Variants in PAPLN observed in about 807,000 individuals in gnomAD.
PAPLN encodes the protein papilin.
A neutral mutation model predicts 159.0 loss-of-function variants in PAPLN; 146 were observed. The observed-to-expected ratio is 0.92, with a 90% confidence interval of 0.80 to 1.05. The LOEUF (loss-of-function observed/expected upper bound fraction) is 1.05. Among genes scored for constraint, PAPLN ranks in the 50% least tolerant of loss-of-function variants. PAPLN has a pLI of 0.00. For synonymous variants in PAPLN, 734 were observed against 702.9 expected (o/e 1.04, Z -0.70); for missense variants, 1,720 against 1,743.9 (o/e 0.99, Z 0.24).
In PAPLN at chr14:73,272,584, T is replaced by C; in HGVS notation, c.3757T>C (p.Cys1253Arg). 1 of 1,605,128 alleles carries C rather than the reference T, an allele frequency of 6.2e-7. No homozygotes were observed. The highest frequency in any genetic ancestry group is 8.5e-7 in the Non-Finnish European group (1 of 1,172,490). The change falls in exon 27 of 27, where the codon TGT becomes CGT. Residue 1253 changes from cysteine (C) to arginine (R), a missense_variant. By Grantham distance (180) the Cys-to-Arg change is radical. Coordinates refer to ENST00000644200, the MANE Select transcript of PAPLN (RefSeq NM_001365906.3). ...TGATTTGATCCTGCAGGCCCAGCTT[T>C]GTGGCAATGAGTATTACTCCAGCTT... is the stretch of plus-strand genomic sequence containing the variant. ...NCDLILQAQL[C>R]GNEYYSSFCC...
rs910576785 is a variant in PAPLN at position 73,264,288 on chromosome 14, G to A, written c.2939G>A (p.Ser980Asn). 4 of 1,613,814 alleles carry A rather than the reference G, an allele frequency of 2.5e-6. No homozygotes were observed. The highest frequency in any genetic ancestry group is 3.3e-5 in the Admixed American group (2 of 60,000). Reference protein sequence around the residue: ...AEDAGTYSCGSTRPGRDSQKI... With the variant: ...AEDAGTYSCGNTRPGRDSQKI... ...GACGCGGGCACCTACAGCTGTGGCA[G>A]CACCCGGCCAGGCCGCGACTCCCAG... The change falls in exon 21 of 27, where the codon AGC (serine) becomes AAC (asparagine). Residue 980 changes from serine to asparagine, a missense_variant. Coordinates refer to ENST00000644200, the MANE Select transcript of PAPLN (RefSeq NM_001365906.3).
intron 3 of PAPLN, 87 bp downstream of exon 3, chr14:73,244,846 G>GT: frequency 2.0e-6 from 2 of 1,010,220 alleles, no homozygotes; most frequent in Non-Finnish European, 2.9e-6. Flanking sequence ...TCGTGGCCTA[G>GT]GCTAGCACTG....
chr14:73,254,080 C>A, intron 12 of PAPLN, 119 bp downstream of exon 12: 2 of 1,164,282 alleles, frequency 1.7e-6, no homozygotes, highest in Non-Finnish European at 2.4e-6. Flanking sequence ...CCGGTCAGGT[C>A]ATCTTGGAAG....
At position 73,252,509 on chromosome 14, in the gene PAPLN, G is replaced by A. The variant is rs1203385523; in HGVS notation, c.968-140G>A. ...TTCCTCATCTGCCAATTGGAGATGT[G>A]GTGGCACCTGCCTCGGGGGGGTCAT... On this transcript the variant is annotated intron_variant, in intron 10 of 26. Coordinates refer to ENST00000644200, the MANE Select transcript of PAPLN (RefSeq NM_001365906.3). 3 of 1,150,862 alleles carry A rather than the reference G, an allele frequency of 2.6e-6. No homozygotes were observed. The African/African-American group carries it at 4.7e-5, about 18-fold the overall frequency. 71.3% of individuals were successfully genotyped at this position (1,150,862 alleles called of 1,614,324 possible). A position where few individuals can be genotyped will look rare whatever the true frequency, so the allele number is the denominator to read the frequency against.
At chr14:73,254,398 A>T (rs1465178180) in intron 12 of PAPLN, 115 bp from the exon 13 acceptor site, 2 of 1,301,936 alleles carry the variant, frequency 1.5e-6, no homozygotes, top group African/African-American at 2.9e-5. Context: ...TGGGAAGGAC[A>T]TGGGCAGTTG....
upstream of PAPLN, among the ~76,000 whole-genome samples, chr14:73,235,841 C>G (rs1322357166): frequency 1.3e-5 from 2 of 152,256 alleles, no homozygotes; most frequent in African/African-American, 4.8e-5. Context: ...AGCTGCTGCT[C>G]CTCCTGTCTT....
At position 73,239,848 on chromosome 14, in the gene PAPLN, C is replaced by T. The variant is rs1277621641; in HGVS notation, c.54+16C>T. On this transcript the variant is annotated intron_variant, in intron 2 of 26. Transcript: ENST00000644200. Reference sequence around the variant, plus strand: ...CGGGTCCTCGGTGAGTGCGGTCCTGCCCCGGCCCCCGGAGGAACCTGCAGG... The same window carrying T: ...CGGGTCCTCGGTGAGTGCGGTCCTGTCCCGGCCCCCGGAGGAACCTGCAGG... The T allele has an allele frequency of 1.3e-6, 2 of 1,570,176 alleles. No individual in the cohort carries two copies. The highest frequency in any genetic ancestry group is 1.7e-6 in the Non-Finnish European group (2 of 1,163,842).
chr14:73,242,061 G>A (rs925850731), intron 2 of PAPLN, among the ~76,000 whole-genome samples: 2 of 152,162 alleles, frequency 1.3e-5, no homozygotes, highest in Non-Finnish European at 2.9e-5. Flanking sequence ...GGCAGTTCAC[G>A]GTTTGGGTAA....
At chr14:73,247,840 G>GC (rs1884678772) in intron 5 of PAPLN, among the ~76,000 whole-genome samples, 2 of 106,768 alleles carry the variant, frequency 1.9e-5, no homozygotes, top group Non-Finnish European at 1.9e-5. Context: ...GTGTGTGTGT[G>GC]GTGGCGATCG....
chr14:73,238,887 G>A (rs1239996545), intron 1 of PAPLN, among the ~76,000 whole-genome samples: 1 of 152,196 alleles, frequency 6.6e-6, no homozygotes, highest in Non-Finnish European at 1.5e-5. Flanking sequence ...AGATTTTAAA[G>A]TTCAAACCTG....
chr14:73,253,120 G>A (rs539287109), intron 11 of PAPLN: 1 of 1,397,748 alleles, frequency 7.2e-7, no homozygotes, highest in African/African-American at 1.4e-5. Context: ...TCAGGCCAAA[G>A]GGCCTGTTGG....
chr14:73,259,655 C>T (rs1210093348), intron 16 of PAPLN, 110 bp downstream of exon 16: 1 of 1,319,040 alleles, frequency 7.6e-7, no homozygotes, highest in Admixed American at 3.6e-5. Flanking sequence ...GTGTGCAGAG[C>T]TCAGGAATAG....
intron 25 of PAPLN, among the ~76,000 whole-genome samples, chr14:73,267,387 TG>T (rs996980344): frequency 6.6e-6 from 1 of 152,226 alleles, no homozygotes; most frequent in Non-Finnish European, 1.5e-5. Flanking sequence ...GGCTAGGTTC[TG>T]GGGATCCTGG....
intron 5 of PAPLN, among the ~76,000 whole-genome samples, chr14:73,247,797 CGTGT>C (rs869273897): frequency 6.5e-4 from 21 of 32,534 alleles, no homozygotes; most frequent in South Asian, 1.7e-3. Flanking sequence ...TCTCTTATCC[CGTGT>C]GTGTGTGTGT....
chr14:73,264,127 T>C, intron 20 of PAPLN, 84 bp from the exon 21 acceptor site: 2 of 1,600,272 alleles, frequency 1.2e-6, no homozygotes, highest in Admixed American at 3.3e-5. Flanking sequence ...TGGTCCCCTC[T>C]GGCACGAGCA....
At chr14:73,243,938 AC>A (rs1301095601) in intron 2 of PAPLN, 1 of 152,096 alleles carries the variant, frequency 6.6e-6, no homozygotes, top group East Asian at 1.9e-4. Flanking sequence ...GGCTGCTCCA[AC>A]TCCAGCCATC....
chr14:73,266,881 A>C, intron 25 of PAPLN, 50 bp downstream of exon 25: 3 of 1,512,940 alleles, frequency 2.0e-6, no homozygotes, highest in Non-Finnish European at 2.7e-6. Context: ...TCACAACCTC[A>C]GGTGTGGGTG....
intron 5 of PAPLN, 74 bp downstream of exon 5, chr14:73,246,249 A>G: frequency 7.9e-7 from 1 of 1,258,962 alleles, no homozygotes; most frequent in Non-Finnish European, 1.1e-6. Flanking sequence ...CTATTGCCGT[A>G]TTATAGAGGC....
intron 5 of PAPLN, among the ~76,000 whole-genome samples, chr14:73,246,514 C>G (rs925416673): frequency 1.3e-5 from 2 of 150,472 alleles, no homozygotes; most frequent in Non-Finnish European, 3.0e-5. Flanking sequence ...AGAGGTCCCT[C>G]GAGAGAGAGC....
Sources: gnomAD v4.1 joint callset for allele counts (sites outside exome capture counted in the v4.1 genomes callset) on GRCh38, gnomAD v4.1.1 for gene constraint, MANE v1.5 for transcripts, NCBI Gene and HGNC (gene_info 2026-07-23, HGNC 2026-07-21) for gene names.